PKHD1: variants seen among roughly 807,000 people sequenced by gnomAD.
PKHD1 encodes the protein PKHD1 ciliary IPT domain containing fibrocystin/polyductin, also known as fibrocystin.
PKHD1 carries 291 observed loss-of-function variants against 412.0 expected under a neutral mutation model. That is an observed-to-expected ratio of 0.71 (90% confidence interval 0.64 to 0.78). The LOEUF (loss-of-function observed/expected upper bound fraction) is 0.78, where lower values mean the gene tolerates loss of function less well. Among genes scored for constraint, PKHD1 ranks in the 30% least tolerant of loss-of-function variants. The pLI is 0.00. For synonymous variants in PKHD1, 1,777 were observed against 1,821.5 expected (o/e 0.98, Z 0.62); for missense variants, 4,825 against 4,950.7 (o/e 0.97, Z 0.76).
intron 5 of PKHD1, among the ~76,000 whole-genome samples, chr6:52,077,115 T>C (rs894973478): frequency 2.0e-5 from 3 of 152,208 alleles, no homozygotes; most frequent in African/African-American, 7.2e-5. Context: ...GCTGTGTCTC[T>C]GTGCATAGAC....
chr6:51,694,496 G>C (rs1191113118), intron 60 of PKHD1, among the ~76,000 whole-genome samples: 1 of 141,006 alleles, frequency 7.1e-6, no homozygotes, highest in Non-Finnish European at 1.5e-5. Context: ...CAATTCTCCT[G>C]CCTCAGCCTC....
At chr6:51,909,159 T>C in intron 40 of PKHD1, 124 bp downstream of exon 40, 1 of 789,052 alleles carries the variant, frequency 1.3e-6, no homozygotes, top group Non-Finnish European at 2.2e-6. Context: ...AGACCTAGAA[T>C]ATAACAATTA....
At chr6:52,008,537 A>T (rs188986157) in intron 35 of PKHD1, among the ~76,000 whole-genome samples, 39 of 152,326 alleles carry the variant, frequency 2.6e-4, no homozygotes, top group Admixed American at 9.2e-4. Context: ...CCTAAAAAAA[A>T]TCAAAATTAG....
At chr6:51,729,268 T>C (rs2150878454) in intron 60 of PKHD1, among the ~76,000 whole-genome samples, 2 of 152,358 alleles carry the variant, frequency 1.3e-5, no homozygotes, top group Admixed American at 1.3e-4. Context: ...AATTCTGTAG[T>C]AGAAAGATTG....
intron 60 of PKHD1, among the ~76,000 whole-genome samples, chr6:51,670,932 G>A (rs896283254): frequency 6.6e-6 from 1 of 151,796 alleles, no homozygotes; most frequent in Non-Finnish European, 1.5e-5. Context: ...TAGTCTGATG[G>A]GCTTCCCTTT....
At chr6:51,763,699 G>C (rs1285501788) in intron 55 of PKHD1, among the ~76,000 whole-genome samples, 2 of 152,002 alleles carry the variant, frequency 1.3e-5, no homozygotes, top group Non-Finnish European at 2.9e-5. Context: ...CATATTCAAT[G>C]TGTCTTATAG....
At chr6:51,900,273 C>T (rs950441686) in intron 43 of PKHD1, among the ~76,000 whole-genome samples, 3 of 152,184 alleles carry the variant, frequency 2.0e-5, no homozygotes, top group African/African-American at 4.8e-5. Flanking sequence ...TCAAACTATA[C>T]TACAAGGCTA....
rs570987589 is a variant in PKHD1 at position 51,901,414 on chromosome 6, G to A, written c.6996+2183C>T. 8.1e-4 allele frequency among the ~76,000 whole-genome samples: 123 copies of A among 151,146 alleles called. No individual in the cohort carries two copies. The South Asian group carries it at 0.013, about 16-fold the overall frequency. On this transcript the variant is annotated intron_variant, in intron 43 of 66. Transcript: ENST00000371117. The stretch of plus-strand genomic sequence containing the variant: ...AAATCATCATTCTCAGTAAACTATC[G>A]CAAGAACAAAAAACCAAACACCGCA...
intron 60 of PKHD1, among the ~76,000 whole-genome samples, chr6:51,713,817 A>G (rs1163901136): frequency 6.6e-6 from 1 of 152,108 alleles, no homozygotes; most frequent in Admixed American, 6.5e-5. Flanking sequence ...GAGCCATGAT[A>G]CACTCCCCTA....
chr6:51,892,126 C>T (rs1018800114), intron 43 of PKHD1, among the ~76,000 whole-genome samples: 10 of 152,128 alleles, frequency 6.6e-5, no homozygotes, highest in Non-Finnish European at 1.2e-4. Context: ...ACTAATTGGC[C>T]GAGTCACTCC....
chr6:51,939,414 C>T (rs1299417405), intron 36 of PKHD1, among the ~76,000 whole-genome samples: 2 of 151,358 alleles, frequency 1.3e-5, no homozygotes, highest in Non-Finnish European at 3.0e-5. Flanking sequence ...GGGCAGCCTT[C>T]CACCCTCCAT....
intron 43 of PKHD1, among the ~76,000 whole-genome samples, chr6:51,897,602 C>T (rs1374460378): frequency 6.9e-6 from 1 of 145,084 alleles, no homozygotes; most frequent in Non-Finnish European, 1.5e-5. Flanking sequence ...GAAACTGCAT[C>T]AACTAACGAG....
chr6:51,944,546 A>G (rs945486106), intron 36 of PKHD1, among the ~76,000 whole-genome samples: 4 of 152,160 alleles, frequency 2.6e-5, no homozygotes, highest in African/African-American at 9.7e-5. Flanking sequence ...TTACCTAAAG[A>G]CAGACTCAGT....
At chr6:51,814,184 T>G (rs1765105766) in intron 52 of PKHD1, among the ~76,000 whole-genome samples, 1 of 152,192 alleles carries the variant, frequency 6.6e-6, no homozygotes, top group Non-Finnish European at 1.5e-5. Flanking sequence ...AATAAGTTAA[T>G]TTTAGAAGTG....
rs993560549 is a variant in PKHD1 at position 52,057,072 on chromosome 6, A to G, written c.1513-93T>C. ...ACAGGACATTCCTCCTCAACTTGCT[A>G]TTTCCTTTTTATTATAATTTTAACT... On this transcript the variant is annotated intron_variant, in intron 16 of 66. Coordinates refer to ENST00000371117, the MANE Select transcript of PKHD1 (RefSeq NM_138694.4). The G allele has an allele frequency of 1.1e-5, 9 of 819,662 alleles. No homozygotes were observed. The African/African-American group carries it at 1.5e-4, about 14-fold the overall frequency. The allele number at this position is 819,662 out of a possible 1,614,324, so 50.8% of individuals were successfully genotyped here. A position where few individuals can be genotyped will look rare whatever the true frequency, so the allele number is the denominator to read the frequency against.
intron 63 of PKHD1, among the ~76,000 whole-genome samples, chr6:51,641,268 A>T (rs979910338): frequency 3.3e-5 from 5 of 152,192 alleles, no homozygotes; most frequent in African/African-American, 4.8e-5. Context: ...TGGATCTCTT[A>T]AAAAAGGTAA....
chr6:52,069,879 T>G (rs1030876393), intron 10 of PKHD1, among the ~76,000 whole-genome samples: 1 of 152,214 alleles, frequency 6.6e-6, no homozygotes, highest in Admixed American at 6.5e-5. Context: ...TACTTTGGGC[T>G]GTATAGCTAT....
At position 52,017,604 on chromosome 6, in the gene PKHD1, CAGGCCACACAGGA is replaced by C. The variant is rs1247751083; in HGVS notation, c.5393_5405del (p.Phe1798Ter). On this transcript the variant is annotated frameshift_variant, in exon 34 of 67. Coordinates refer to ENST00000371117, the MANE Select transcript of PKHD1 (RefSeq NM_138694.4). LOFTEE classifies it high-confidence loss of function. ...CCTCACAGCTGTCCTCCTCACGCTT[CAGGCCACACAGGA>C]AGGCCAAGGACACTGCAGGAAACAG... is the stretch of plus-strand genomic sequence containing the variant. 6.2e-7 allele frequency: 1 copy of C among 1,613,778 alleles called. No individual in the cohort carries two copies. The highest frequency in any genetic ancestry group is 1.7e-5 in the Admixed American group (1 of 60,030).
At chr6:51,679,509 A>C (rs993822005) in intron 60 of PKHD1, among the ~76,000 whole-genome samples, 2 of 151,932 alleles carry the variant, frequency 1.3e-5, no homozygotes, top group Non-Finnish European at 1.5e-5. Flanking sequence ...CACAGAAGGT[A>C]AATTTCTCCC....
Sources: gnomAD v4.1 joint callset for allele counts (sites outside exome capture counted in the v4.1 genomes callset) on GRCh38, gnomAD v4.1.1 for gene constraint, MANE v1.5 for transcripts, NCBI Gene and HGNC (gene_info 2026-07-23, HGNC 2026-07-21) for gene names.